The following DSCAM variants were observed in gnomAD, a reference collection of about 807,000 sequenced individuals.
DSCAM encodes the protein cell adhesion molecule DSCAM.
DSCAM carries 47 observed loss-of-function variants against 217.7 expected under a neutral mutation model. The observed-to-expected ratio is 0.22, with a 90% confidence interval of 0.17 to 0.28. DSCAM has a LOEUF of 0.28. Ranked by LOEUF, DSCAM falls within the 10% of genes least tolerant of loss-of-function variation. The pLI, the probability that DSCAM is intolerant of heterozygous loss-of-function variation, is 1.00. For synonymous variants in DSCAM, 1,056 were observed against 1,015.3 expected (o/e 1.04, Z -0.76); for missense variants, 2,080 against 2,618.3 (o/e 0.79, Z 4.49).
At chr21:40,169,874 G>A (rs1450102396) in intron 15 of DSCAM, among the ~76,000 whole-genome samples, 3 of 151,864 alleles carry the variant, frequency 2.0e-5, no homozygotes, top group Non-Finnish European at 2.9e-5. Flanking sequence ...CTCCACCATC[G>A]TCCTTATGGG....
chr21:40,420,466 G>T (rs957772695), intron 3 of DSCAM, among the ~76,000 whole-genome samples: 2 of 152,172 alleles, frequency 1.3e-5, no homozygotes, highest in South Asian at 2.1e-4. Flanking sequence ...GAGGAAAACT[G>T]AGGGAATCAA....
At chr21:40,741,239 G>A (rs1042001728) in intron 1 of DSCAM, among the ~76,000 whole-genome samples, 3 of 152,020 alleles carry the variant, frequency 2.0e-5, no homozygotes, top group African/African-American at 7.2e-5. Context: ...TAGTTTTTCA[G>A]CTAAAAAACT....
chr21:40,397,031 C>A (rs769748145), intron 3 of DSCAM, among the ~76,000 whole-genome samples: 45 of 152,140 alleles, frequency 3.0e-4, no homozygotes, highest in Admixed American at 1.1e-3. Flanking sequence ...TTTCCTTACC[C>A]TTCCCTAATT....
chr21:40,573,436 G>A (rs1188988565), intron 3 of DSCAM, among the ~76,000 whole-genome samples: 7 of 152,064 alleles, frequency 4.6e-5, no homozygotes, highest in Non-Finnish European at 1.0e-4. Context: ...AACAGATGAT[G>A]ACCTATAGAA....
chr21:40,015,417 CTT>C (rs5843993), intron 32 of DSCAM, among the ~76,000 whole-genome samples: 28,223 of 145,468 alleles, frequency 0.19, 2,957 homozygotes, highest in Non-Finnish European at 0.25. Flanking sequence ...TCTCTTGACT[CTT>C]TTTTTTTTTT....
At chr21:40,254,218 T>A (rs117531039) in intron 11 of DSCAM, among the ~76,000 whole-genome samples, 1 of 152,312 alleles carries the variant, frequency 6.6e-6, no homozygotes, top group Non-Finnish European at 1.5e-5. Flanking sequence ...GCCTTTGTTT[T>A]GCATGATCTC....
intron 3 of DSCAM, among the ~76,000 whole-genome samples, chr21:40,670,158 T>G (rs1568974502): frequency 6.6e-6 from 1 of 152,242 alleles, no homozygotes; most frequent in Non-Finnish European, 1.5e-5. Flanking sequence ...ATACGTTTTT[T>G]AAGTTATTTG....
At chr21:40,582,133 A>G (rs1039624698) in intron 3 of DSCAM, among the ~76,000 whole-genome samples, 3 of 152,188 alleles carry the variant, frequency 2.0e-5, no homozygotes, top group South Asian at 2.1e-4. Flanking sequence ...GGGATTGGCT[A>G]TATAGTCCTG....
intron 3 of DSCAM, among the ~76,000 whole-genome samples, chr21:40,529,462 T>A (rs2076426225): frequency 6.6e-6 from 1 of 152,162 alleles, no homozygotes; most frequent in African/African-American, 2.4e-5. Context: ...AAGTCTTGGA[T>A]CCTTACAATG....
chr21:40,411,012 A>T (rs987089564), intron 3 of DSCAM, among the ~76,000 whole-genome samples: 1 of 152,190 alleles, frequency 6.6e-6, no homozygotes, highest in Non-Finnish European at 1.5e-5. Context: ...ACCATTTAAA[A>T]GATAATTAAC....
intron 20 of DSCAM, among the ~76,000 whole-genome samples, chr21:40,118,085 AATCT>A (rs1301725618): frequency 4.6e-5 from 7 of 152,188 alleles, no homozygotes; most frequent in Non-Finnish European, 7.3e-5. Context: ...GGATTGTGGA[AATCT>A]ATCTAGGTCA....
chr21:40,666,035 C>G (rs961349535), intron 3 of DSCAM, among the ~76,000 whole-genome samples: 7 of 152,134 alleles, frequency 4.6e-5, no homozygotes, highest in Admixed American at 1.3e-4. Context: ...AGAGGGCCAG[C>G]TCCTCAGGTG....
intron 20 of DSCAM, among the ~76,000 whole-genome samples, chr21:40,105,928 C>A (rs1451796923): frequency 6.6e-6 from 1 of 152,140 alleles, no homozygotes; most frequent in Non-Finnish European, 1.5e-5. Flanking sequence ...GTATGTTGAA[C>A]CAACCTTGCA....
chr21:40,536,394 TAG>T (rs1239481336), intron 3 of DSCAM, among the ~76,000 whole-genome samples: 3 of 150,268 alleles, frequency 2.0e-5, no homozygotes, highest in South Asian at 2.1e-4. Flanking sequence ...AGCTGACCGG[TAG>T]AGTCTTTTTT....
chr21:40,683,513 T>G (rs2090438237), intron 3 of DSCAM, among the ~76,000 whole-genome samples: 1 of 152,016 alleles, frequency 6.6e-6, no homozygotes, highest in African/African-American at 2.4e-5. Flanking sequence ...GGGAAAGGTT[T>G]CTTTAAAACT....
intron 3 of DSCAM, among the ~76,000 whole-genome samples, chr21:40,490,465 T>G (rs1246348189): frequency 1.3e-5 from 2 of 152,220 alleles, no homozygotes; most frequent in African/African-American, 4.8e-5. Flanking sequence ...TCCCACTGTG[T>G]GGCTGATGGA....
At chr21:40,387,309 A>T (rs2075095697) in intron 3 of DSCAM, among the ~76,000 whole-genome samples, 1 of 149,988 alleles carries the variant, frequency 6.7e-6, no homozygotes, top group South Asian at 2.1e-4. Context: ...GTCCTACACA[A>T]GTCCTACACA....
At chr21:40,338,786 A>G (rs540782422) in intron 7 of DSCAM, among the ~76,000 whole-genome samples, 2 of 152,216 alleles carry the variant, frequency 1.3e-5, no homozygotes, top group African/African-American at 4.8e-5. Flanking sequence ...CATGAATGTA[A>G]GTTTAATACC....
At chr21:40,353,773 AG>A in intron 4 of DSCAM, 30 bp from the exon 5 acceptor site, 2 of 1,488,080 alleles carry the variant, frequency 1.3e-6, no homozygotes, top group South Asian at 2.8e-5. Flanking sequence ...TCTTAGAGGC[AG>A]GAATGAGGAG....
Sources: gnomAD v4.1 joint callset for allele counts (sites outside exome capture counted in the v4.1 genomes callset) on GRCh38, gnomAD v4.1.1 for gene constraint, MANE v1.5 for transcripts, NCBI Gene and HGNC (gene_info 2026-07-23, HGNC 2026-07-21) for gene names.